The following TLN2 variants were observed in gnomAD, a reference collection of about 807,000 sequenced individuals.
TLN2 encodes talin 2, also known as talin-2.
Under a neutral mutation model 294.7 loss-of-function variants are expected in TLN2, and 118 were observed. That is an observed-to-expected ratio of 0.40 (90% confidence interval 0.34 to 0.47). The LOEUF (loss-of-function observed/expected upper bound fraction) is 0.47. Ranked by LOEUF, TLN2 falls within the 20% of genes least tolerant of loss-of-function variation. TLN2 has a pLI of 0.84. For synonymous variants in TLN2, 1,431 were observed against 1,304.5 expected, an observed-to-expected ratio of 1.10 and a Z score of -2.09; for missense variants, 3,083 against 3,282.2, an observed-to-expected ratio of 0.94 and a Z score of 1.48.
At chr15:62,792,839 T>C in intron 46 of TLN2, 52 bp downstream of exon 46, 2 of 1,602,600 alleles carry the variant, frequency 1.2e-6, no homozygotes, top group Non-Finnish European at 1.7e-6. Context: ...TGGCTCTCAG[T>C]GATCCGCTGT....
At position 62,796,117 on chromosome 15, in the gene TLN2, C is replaced by T. The variant is rs1263109081; in HGVS notation, c.5884-10C>T. ...TCTTAGCTCCCCTCACATTCCCTTT[C>T]TGCCTACAGGTCTCCTTGGTGCTCT... On this transcript the variant is annotated splice_polypyrimidine_tract_variant and intron_variant, in intron 46 of 58. Transcript: ENST00000636159. 6.2e-7 allele frequency: 1 copy of T among 1,611,648 alleles called. No individual in the cohort carries two copies. The highest frequency in any genetic ancestry group is 8.5e-7 in the Non-Finnish European group (1 of 1,179,244).
chr15:62,628,779 C>T (rs973545743), intron 3 of TLN2, among the ~76,000 whole-genome samples: 3 of 152,230 alleles, frequency 2.0e-5, no homozygotes, highest in African/African-American at 7.2e-5. Flanking sequence ...GTACCTTCTT[C>T]CACTCTAGGA....
intron 46 of TLN2, 148 bp from the exon 47 acceptor site, chr15:62,795,979 C>A: frequency 6.8e-6 from 7 of 1,031,008 alleles, no homozygotes; most frequent in Non-Finnish European, 9.6e-6. Flanking sequence ...AAGCTGGTAT[C>A]CAGACTGAGG....
intron 1 of TLN2, among the ~76,000 whole-genome samples, chr15:62,510,955 C>T (rs2039901204): frequency 6.6e-6 from 1 of 152,202 alleles, no homozygotes; most frequent in Non-Finnish European, 1.5e-5. Flanking sequence ...TCCTTTGGCC[C>T]CAAGTACAAT....
rs118122917 is a variant in TLN2, at chr15:62,748,836, A to G, written c.4119+392A>G. Among the ~76,000 whole-genome samples, 203 of 152,326 alleles carry G rather than the reference A, an allele frequency of 1.3e-3. 1 individual carries two copies. In the East Asian group the frequency reaches 0.017, roughly 12 times the overall value. The stretch of plus-strand genomic sequence containing the variant: ...TGGGGAGAGAGCTAGAGGCTGAGAT[A>G]GGTGTTCTTTTGAGTAAAAATGATT... On this transcript the variant is annotated intron_variant, in intron 33 of 58. Transcript: ENST00000636159.
At chr15:62,551,513 TACACACACACACACAC>T (rs56986714) in intron 1 of TLN2, among the ~76,000 whole-genome samples, 11 of 147,086 alleles carry the variant, frequency 7.5e-5, no homozygotes, top group Non-Finnish European at 1.2e-4. Context: ...CTACTAAAAA[TACACACACACACACAC>T]ACACACACAC....
At chr15:62,640,836 CT>C (rs1402279990) in intron 3 of TLN2, among the ~76,000 whole-genome samples, 1 of 152,114 alleles carries the variant, frequency 6.6e-6, no homozygotes, top group Non-Finnish European at 1.5e-5. Flanking sequence ...GAGTCTCACT[CT>C]GTCGCCCAGG....
intron 28 of TLN2, among the ~76,000 whole-genome samples, chr15:62,736,020 A>T (rs956860465): frequency 2.0e-5 from 3 of 152,214 alleles, no homozygotes; most frequent in Admixed American, 6.5e-5. Flanking sequence ...GAAGTTTAAG[A>T]ACAGGTAAAA....
In TLN2 at chr15:62,738,229, TCA is replaced by T. The variant is rs2061134549; in HGVS notation, c.3587_3588del (p.His1196LeufsTer4). ...QRLAQVAKAVSHSLNNCVNCL... is the reference protein window; with the variant it reads ...QRLAQVAKAVXHSLNNCVNCL... ...ACGAATTCAGGTGGCTAAAGCCGTCTCACACTCCTTGAATAACTGCGTAAATT... is the reference window on the plus strand; with the variant it reads ...ACGAATTCAGGTGGCTAAAGCCGTCTCACTCCTTGAATAACTGCGTAAATT... On this transcript the variant is annotated frameshift_variant, in exon 30 of 59. Transcript: ENST00000636159. LOFTEE classifies it high-confidence loss of function. 1 of 1,613,852 alleles carries T rather than the reference TCA, an allele frequency of 6.2e-7. No individual in the cohort carries two copies. The highest frequency in any genetic ancestry group is 8.5e-7 in the Non-Finnish European group (1 of 1,179,912).
chr15:62,547,008 G>A (rs964892615), intron 1 of TLN2, among the ~76,000 whole-genome samples: 1 of 152,164 alleles, frequency 6.6e-6, no homozygotes, highest in African/African-American at 2.4e-5. Flanking sequence ...GCGTTAATCA[G>A]GGAGGAAAGG....
rs1302605519 is a variant in TLN2 at position 62,725,057 on chromosome 15, A to G, written c.3208A>G (p.Lys1070Glu). Residue 1070 changes from lysine (K) to glutamate (E), a missense_variant, in exon 27 of 59, where the codon AAG (lysine) becomes GAG (glutamate). Coordinates refer to ENST00000636159, the MANE Select transcript of TLN2 (RefSeq NM_015059.3). ...QTLKNELQDA[K>E]MAAVESQLKP... ...GCTTAAGAATGAACTGCAGGATGCC[A>G]AGATGGCAGCCGTGGAGAGCCAGCT... 2 of 1,613,412 alleles carry G rather than the reference A, an allele frequency of 1.2e-6. No individual in the cohort carries two copies. Among genetic ancestry groups the G allele is most frequent in the Admixed American group, 1.7e-5 (1 of 59,998 alleles).
chr15:62,663,924 A>G (rs964743713), intron 9 of TLN2, among the ~76,000 whole-genome samples: 3 of 152,032 alleles, frequency 2.0e-5, no homozygotes, highest in Non-Finnish European at 4.4e-5. Flanking sequence ...GGACATCTCA[A>G]TAAAGCTGTT....
At chr15:62,663,111 G>A (rs953364433) in intron 9 of TLN2, among the ~76,000 whole-genome samples, 1 of 152,036 alleles carries the variant, frequency 6.6e-6, no homozygotes, top group African/African-American at 2.4e-5. Flanking sequence ...CACAGCGCCG[G>A]GCCTTGAGAG....
chr15:62,563,580 G>A (rs990328227), intron 1 of TLN2, among the ~76,000 whole-genome samples: 8 of 152,260 alleles, frequency 5.3e-5, no homozygotes, highest in African/African-American at 1.9e-4. Context: ...CCCTGCAAAA[G>A]CTCTTTAGTT....
chr15:62,781,233 C>A lies in TLN2; in HGVS notation c.5608C>A (p.Gln1870Lys), dbSNP rs765032792. Residue 1870 changes from glutamine (Q) to lysine (K), a missense_variant, in exon 44 of 59, where the codon CAG (glutamine) becomes AAG (lysine). By Grantham distance (53) the Gln-to-Lys change is moderately conservative. Transcript: ENST00000636159. The stretch of plus-strand genomic sequence containing the variant: ...CTCCAAAGCCATTGCGGTGACAGCT[C>A]AGGAAATGGTAAGAGGGAAGAGAGC... ...KYSKAIAVTA[Q>K]EMMTKSVTNP... The A allele has an allele frequency of 7.4e-6, 12 of 1,613,472 alleles. No individual in the cohort carries two copies. Among genetic ancestry groups the A allele is most frequent in the Non-Finnish European group, 9.3e-6 (11 of 1,179,610 alleles).
At chr15:62,486,452 G>GTTT (rs34975634) in intron 1 of TLN2, among the ~76,000 whole-genome samples, 41 of 93,276 alleles carry the variant, frequency 4.4e-4, no homozygotes, top group South Asian at 6.3e-4. Context: ...CAGTTCCTTT[G>GTTT]TTTTTTTTTT....
In TLN2 at chr15:62,819,322, T is replaced by C. The variant is rs186861790; in HGVS notation, c.6772-194T>C. Reference sequence around the variant, plus strand: ...TTAGAGGCACCACTGGTTCCCAACCTTTTATTTCTCACATGGGGAGATTGA... The same window carrying C: ...TTAGAGGCACCACTGGTTCCCAACCCTTTATTTCTCACATGGGGAGATTGA... On this transcript the variant is annotated intron_variant, in intron 52 of 58. Coordinates refer to ENST00000636159, the MANE Select transcript of TLN2 (RefSeq NM_015059.3). Among the ~76,000 whole-genome samples the C allele has an allele frequency of 2.4e-3, 361 of 152,336 alleles. 2 individuals carry two copies. The highest frequency in any genetic ancestry group is 8.2e-3 in the African/African-American group (343 of 41,576).
At chr15:62,776,650 C>G in intron 42 of TLN2, 114 bp from the exon 43 acceptor site, 1 of 1,011,236 alleles carries the variant, frequency 9.9e-7, no homozygotes, top group African/African-American at 1.7e-5. Flanking sequence ...TAGAATAGAT[C>G]GCTGTGCTCC....
chr15:62,826,006 ACAGAGTGAGACTCGGT>A (rs2068164301), intron 54 of TLN2, among the ~76,000 whole-genome samples: 1 of 147,774 alleles, frequency 6.8e-6, no homozygotes, highest in Admixed American at 6.9e-5. Context: ...AGCCTGGGTG[ACAGAGTGAGACTCGGT>A]CTCAAAAACA....
Sources: allele counts gnomAD v4.1 joint callset (sites outside exome capture counted in the v4.1 genomes callset), GRCh38; gene constraint gnomAD v4.1.1; transcripts MANE v1.5; gene names NCBI Gene and HGNC (gene_info 2026-07-23, HGNC 2026-07-21).